The following ZMYM4 variants were observed in gnomAD, a reference collection of about 807,000 sequenced individuals.
The protein encoded by ZMYM4 is zinc finger MYM-type protein 4.
Under a neutral mutation model 183.2 loss-of-function variants are expected in ZMYM4, and 31 were observed. That is an observed-to-expected ratio of 0.17 (90% CI 0.13 to 0.23). The LOEUF (loss-of-function observed/expected upper bound fraction) is 0.23, where lower values mean the gene tolerates loss of function less well. ZMYM4 is among the 10% of genes least tolerant of loss of function. The pLI, the probability that ZMYM4 is intolerant of heterozygous loss-of-function variation, is 1.00. For synonymous variants in ZMYM4, 592 were observed against 631.2 expected (o/e 0.94, Z 0.93); for missense variants, 1,273 against 1,840.3 (o/e 0.69, Z 5.64).
At chr1:35,380,503 A>C (rs778308211) in intron 7 of ZMYM4, among the ~76,000 whole-genome samples, 3 of 151,926 alleles carry the variant, frequency 2.0e-5, no homozygotes, top group Non-Finnish European at 4.4e-5. Flanking sequence ...AATTTTTTGT[A>C]TTTTTAGAGA....
At chr1:35,347,268 A>G (rs1643432779) in intron 2 of ZMYM4, among the ~76,000 whole-genome samples, 1 of 152,180 alleles carries the variant, frequency 6.6e-6, no homozygotes, top group Non-Finnish European at 1.5e-5. Context: ...CGGCCTCCCA[A>G]AGTGCTGGGA....
intron 23 of ZMYM4, among the ~76,000 whole-genome samples, chr1:35,402,546 G>C (rs1194844639): frequency 6.6e-6 from 1 of 152,026 alleles, no homozygotes; most frequent in Non-Finnish European, 1.5e-5. Flanking sequence ...GAGCCTAGGG[G>C]GGGTCGAGGC....
chr1:35,352,159 G>T (rs1643632410), intron 2 of ZMYM4, among the ~76,000 whole-genome samples: 1 of 152,176 alleles, frequency 6.6e-6, no homozygotes, highest in South Asian at 2.1e-4. Flanking sequence ...AGCATTTTGG[G>T]AGGCTGAGGT....
intron 19 of ZMYM4, 199 bp from the exon 20 acceptor site, chr1:35,397,178 G>A: frequency 1.9e-6 from 2 of 1,078,232 alleles, no homozygotes; most frequent in African/African-American, 1.6e-5. Context: ...AATTGGTTGA[G>A]TGTCCAAAGC....
intron 1 of ZMYM4, among the ~76,000 whole-genome samples, chr1:35,304,014 C>A (rs1036040116): frequency 6.6e-6 from 1 of 152,006 alleles, no homozygotes; most frequent in Non-Finnish European, 1.5e-5. Flanking sequence ...TTTCTACTTA[C>A]ATTACCATAC....
Position 35,398,389 on chromosome 1 carries a change from TTA to T in ZMYM4, c.3200-22_3200-21del, listed in dbSNP as rs749599097. The T allele has an allele frequency of 1.9e-6, 3 of 1,600,696 alleles. No homozygotes were observed. In the Admixed American group the frequency reaches 5.2e-5, roughly 28 times the overall value. On this transcript the variant is annotated intron_variant, in intron 20 of 29. Coordinates refer to ENST00000314607, the MANE Select transcript of ZMYM4 (RefSeq NM_005095.3). Reference sequence around the variant, plus strand: ...AATTTGTTGTCTAAACATAAATTATTTATGTGCTTTTCTTTTTCTTTAGAGTC... The same window carrying T: ...AATTTGTTGTCTAAACATAAATTATTTGTGCTTTTCTTTTTCTTTAGAGTC...
At position 35,393,449 on chromosome 1, in the gene ZMYM4, T is replaced by C. The variant is rs76355357; in HGVS notation, c.2767-146T>C. On this transcript the variant is annotated intron_variant, in intron 17 of 29. Transcript: ENST00000314607. ...TACTATTAATATTTTAGGAGTATTG[T>C]ATTTCTTATACATTTGGTTGAATAT... 353 of 661,196 alleles carry C rather than the reference T, an allele frequency of 5.3e-4. 4 individuals carry two copies. In the East Asian group the frequency reaches 0.01, roughly 19 times the overall value. 41.0% of individuals were successfully genotyped at this position (661,196 alleles called of 1,614,324 possible). A position where few individuals can be genotyped will look rare whatever the true frequency, so the allele number is the denominator to read the frequency against.
At chr1:35,279,794 TC>T (rs1422169851) in intron 1 of ZMYM4, among the ~76,000 whole-genome samples, 1 of 152,172 alleles carries the variant, frequency 6.6e-6, no homozygotes, top group Non-Finnish European at 1.5e-5. Flanking sequence ...TCACCTTTCT[TC>T]CAGTTCCCAG....
intron 13 of ZMYM4, among the ~76,000 whole-genome samples, chr1:35,388,227 C>T (rs1433929222): frequency 6.6e-6 from 1 of 152,064 alleles, no homozygotes; most frequent in Non-Finnish European, 1.5e-5. Flanking sequence ...TTTTTTGAGA[C>T]AGAGTCTTGC....
At chr1:35,382,436 A>C (rs951709420) in intron 9 of ZMYM4, among the ~76,000 whole-genome samples, 4 of 151,354 alleles carry the variant, frequency 2.6e-5, no homozygotes, top group Non-Finnish European at 4.4e-5. Context: ...CATTTGAAAT[A>C]CAAGTTTTTA....
rs748891728 is a variant in ZMYM4 at position 35,384,841 on chromosome 1, CTTTTTT to C, written c.1570-588_1570-583del. On this transcript the variant is annotated intron_variant, in intron 9 of 29. Transcript: ENST00000314607. Reference sequence around the variant, plus strand: ...CCAGCATTATTATTTTTTTCTTTTTCTTTTTTTTTTTTTTTTTTGAGGTGGAATCTT... The same window carrying C: ...CCAGCATTATTATTTTTTTCTTTTTCTTTTTTTTTTTTGAGGTGGAATCTT... 3.1e-5 allele frequency among the ~76,000 whole-genome samples: 4 copies of C among 127,408 alleles called. No individual in the cohort carries two copies. In the South Asian group the frequency reaches 7.5e-4, roughly 24 times the overall value. 83.6% of individuals were successfully genotyped at this position (127,408 alleles called of 152,430 possible).
chr1:35,335,083 C>T (rs1452947279), intron 2 of ZMYM4, among the ~76,000 whole-genome samples: 1 of 152,082 alleles, frequency 6.6e-6, no homozygotes, highest in Non-Finnish European at 1.5e-5. Context: ...AAGTAGCCAC[C>T]TCTCCAAAAA....
chr1:35,290,970 A>G (rs1280344352), intron 1 of ZMYM4, among the ~76,000 whole-genome samples: 1 of 152,250 alleles, frequency 6.6e-6, no homozygotes, highest in Non-Finnish European at 1.5e-5. Context: ...TATTTTTGAA[A>G]TAAGGTTTAT....
chr1:35,379,678 A>G (rs1441465461), intron 7 of ZMYM4, among the ~76,000 whole-genome samples: 2 of 152,212 alleles, frequency 1.3e-5, no homozygotes, highest in African/African-American at 2.4e-5. Flanking sequence ...ACTAAGAGTA[A>G]TCATTTCTAG....
At chr1:35,285,510 A>C (rs990526751) in intron 1 of ZMYM4, among the ~76,000 whole-genome samples, 2 of 152,178 alleles carry the variant, frequency 1.3e-5, no homozygotes, top group Non-Finnish European at 2.9e-5. Context: ...CCACATCTGC[A>C]GATCAAAAAT....
At position 35,359,268 on chromosome 1, in the gene ZMYM4, T is replaced by A. The variant is rs1380552187; in HGVS notation, c.429T>A (p.Asp143Glu). ...KLKKDFPKQF[D>E]QVSVFKSIRK... ...AAAAAGACTTTCCTAAACAATTTGATCAGGTTTCTGTCTTTAAATCAATAC... is the reference window on the plus strand; with the variant it reads ...AAAAAGACTTTCCTAAACAATTTGAACAGGTTTCTGTCTTTAAATCAATAC... The change falls in exon 3 of 30, where the codon GAT (aspartate) becomes GAA (glutamate). Residue 143 changes from aspartate (D) to glutamate (E), a missense_variant. Transcript: ENST00000314607. 1 of 1,609,072 alleles carries A rather than the reference T, an allele frequency of 6.2e-7. No individual in the cohort carries two copies. Among genetic ancestry groups the A allele is most frequent in the African/African-American group, 1.3e-5 (1 of 74,458 alleles).
intron 9 of ZMYM4, among the ~76,000 whole-genome samples, chr1:35,383,924 C>T (rs1644520001): frequency 6.6e-6 from 1 of 151,998 alleles, no homozygotes; most frequent in South Asian, 2.1e-4. Flanking sequence ...ATGATACCAC[C>T]TATGTCACTG....
At chr1:35,402,136 A>AT (rs1644920963) in intron 23 of ZMYM4, among the ~76,000 whole-genome samples, 4 of 149,186 alleles carry the variant, frequency 2.7e-5, no homozygotes, top group Non-Finnish European at 5.9e-5. Flanking sequence ...AAAAAAAAAA[A>AT]GGCTGCTAGA....
chr1:35,414,120 C>T, intron 27 of ZMYM4, 37 bp downstream of exon 27: 4 of 1,242,958 alleles, frequency 3.2e-6, no homozygotes, highest in Non-Finnish European at 3.4e-6. Flanking sequence ...TCATGATATG[C>T]TTTCTTAAAT....
Sources: gnomAD v4.1 joint callset for allele counts (sites outside exome capture counted in the v4.1 genomes callset) on GRCh38, gnomAD v4.1.1 for gene constraint, MANE v1.5 for transcripts, NCBI Gene and HGNC (gene_info 2026-07-23, HGNC 2026-07-21) for gene names.